The following ABCC11 variants were observed in gnomAD, a reference collection of about 807,000 sequenced individuals.
The protein encoded by ABCC11 is ATP-binding cassette sub-family C member 11.
In ABCC11, 135 loss-of-function variants were observed where a neutral mutation model predicts 149.3. That is an observed-to-expected ratio of 0.90 (90% CI 0.79 to 1.04). ABCC11 has a LOEUF of 1.04. ABCC11 is among the 50% of genes least tolerant of loss of function. The pLI is 0.00. For synonymous variants in ABCC11, 665 were observed against 671.4 expected (o/e 0.99, Z 0.15); for missense variants, 1,680 against 1,722.1 (o/e 0.98, Z 0.43).
At chr16:48,169,834 G>T (rs1596648239) in intron 28 of ABCC11, among the ~76,000 whole-genome samples, 1 of 151,940 alleles carries the variant, frequency 6.6e-6, no homozygotes, top group African/African-American at 2.4e-5. Flanking sequence ...GTTAACGGGT[G>T]CAGCACACCA....
chr16:48,186,559 A>C (rs1034443170), intron 22 of ABCC11, among the ~76,000 whole-genome samples: 13 of 152,206 alleles, frequency 8.5e-5, no homozygotes, highest in African/African-American at 3.1e-4. Flanking sequence ...ATGAGTAGTG[A>C]AGGAAGTTCT....
rs775424093 is a variant in ABCC11, at chr16:48,186,936, G to A, written c.3071+17C>T. The A allele has an allele frequency of 9.3e-6, 15 of 1,613,644 alleles. No individual in the cohort carries two copies. The highest frequency in any genetic ancestry group is 1.2e-5 in the Non-Finnish European group (14 of 1,179,844). On this transcript the variant is annotated intron_variant, in intron 22 of 29. Transcript: ENST00000356608. ...CCTGTGGTTCCATCATTCTCAAATG[G>A]CAGCAGAAGGACTCACTGGCTGATG...
intron 24 of ABCC11, 58 bp from the exon 25 acceptor site, chr16:48,177,171 C>T (rs537952184): frequency 6.5e-7 from 1 of 1,527,922 alleles, no homozygotes; most frequent in African/African-American, 1.4e-5. Context: ...GGCCCATCCC[C>T]TGCGGGCCTG....
intron 25 of ABCC11, among the ~76,000 whole-genome samples, chr16:48,176,569 C>G (rs966468548): frequency 1.3e-5 from 2 of 152,098 alleles, no homozygotes; most frequent in African/African-American, 4.8e-5. Context: ...TGCTCCTGCC[C>G]GGACCCTATA....
At chr16:48,171,580 T>A (rs1328568760) in intron 26 of ABCC11, among the ~76,000 whole-genome samples, 1 of 152,268 alleles carries the variant, frequency 6.6e-6, no homozygotes, top group Non-Finnish European at 1.5e-5. Context: ...ATAATATTTA[T>A]CATTTTAACC....
rs1314250001 is a variant in ABCC11 at position 48,192,665 on chromosome 16, G to T, written c.2561C>A (p.Ala854Glu). ...GTAGAAGGACAGTTGAGGATTGTCT[G>T]CAATGTTGCCCAGGTCTGCCATGGT... ...NGTMADLGNI[A>E]DNPQLSFYQL... Residue 854 changes from alanine to glutamate, a missense_variant, in exon 20 of 30, where the codon GCA (alanine) becomes GAA (glutamate). Physicochemically the swap from Ala to Glu is moderately radical, Grantham distance 107 (BLOSUM62 -1). Transcript: ENST00000356608. The T allele has an allele frequency of 1.2e-6, 2 of 1,614,082 alleles. No homozygotes were observed. Among genetic ancestry groups the T allele is most frequent in the East Asian group, 4.5e-5 (2 of 44,890 alleles).
intron 7 of ABCC11, among the ~76,000 whole-genome samples, chr16:48,215,876 A>T (rs538257200): frequency 1.3e-5 from 2 of 152,368 alleles, no homozygotes; most frequent in East Asian, 3.9e-4. Context: ...GTCGAAGCAG[A>T]TAATCTCCCA....
intron 11 of ABCC11, chr16:48,209,780 C>CGGGTG (rs1269484274): frequency 6.6e-6 from 1 of 152,108 alleles, no homozygotes; most frequent in East Asian, 1.9e-4. Flanking sequence ...CTCGACTTCA[C>CGGGTG]CACAATACAA....
At chr16:48,170,825 A>G (rs1965669343) in intron 27 of ABCC11, 64 bp downstream of exon 27, 2 of 1,473,924 alleles carry the variant, frequency 1.4e-6, no homozygotes. Flanking sequence ...GAGGAGCCCC[A>G]AAGGGGCAGC....
Position 48,208,545 on chromosome 16 carries a change from A to G in ABCC11, c.1609-49T>C, listed in dbSNP as rs61496705. 7,708 of 1,602,230 alleles carry G rather than the reference A, an allele frequency of 4.8e-3. 325 individuals carry two copies. In the African/African-American group the frequency reaches 0.091, roughly 19 times the overall value. Reference sequence around the variant, plus strand: ...AGTGTTGGGACAGCATAGCCCTGGCATACCCACCTGCCCATGGCGGCTCAA... The same window carrying G: ...AGTGTTGGGACAGCATAGCCCTGGCGTACCCACCTGCCCATGGCGGCTCAA... On this transcript the variant is annotated intron_variant, in intron 11 of 29. Coordinates refer to ENST00000356608, the MANE Select transcript of ABCC11 (RefSeq NM_001370497.1).
intron 3 of ABCC11, among the ~76,000 whole-genome samples, chr16:48,230,047 C>G (rs1970328253): frequency 6.6e-6 from 1 of 152,196 alleles, no homozygotes; most frequent in Admixed American, 6.5e-5. Flanking sequence ...TGTCATGGTT[C>G]TCCGGTCCCT....
At chr16:48,218,431 G>A (rs565793831) in intron 6 of ABCC11, among the ~76,000 whole-genome samples, 2 of 152,268 alleles carry the variant, frequency 1.3e-5, no homozygotes, top group African/African-American at 4.8e-5. Context: ...CTGTGCCTCT[G>A]TCACCTCATC....
chr16:48,170,250 T>A, intron 27 of ABCC11, 32 bp from the exon 28 acceptor site: 1 of 1,569,660 alleles, frequency 6.4e-7, no homozygotes, highest in South Asian at 1.1e-5. Context: ...CAACATAACC[T>A]GGAAGCCACT....
rs377586143 is a variant in ABCC11 at position 48,214,992 on chromosome 16, G to A, written c.1137C>T (p.Cys379=). The A allele has an allele frequency of 3.7e-5, 59 of 1,614,076 alleles. No homozygotes were observed. The highest frequency in any genetic ancestry group is 1.3e-4 in the East Asian group (6 of 44,880). ...RRKERKLLEK[C]GLVQSLTSIT... is the part of the protein sequence containing the mutation. ...TACTTGTCAGGCTCTGGACAAGCCC[G>A]CACTTCTCCAATAGTTTCCTTTCCT... is the stretch of plus-strand genomic sequence containing the variant. Residue 379 remains cysteine (C), a synonymous_variant, in exon 9 of 30, where the codon TGC becomes TGT. Coordinates refer to ENST00000356608, the MANE Select transcript of ABCC11 (RefSeq NM_001370497.1).
intron 25 of ABCC11, among the ~76,000 whole-genome samples, chr16:48,176,492 G>A (rs996765984): frequency 6.6e-6 from 1 of 151,990 alleles, no homozygotes; most frequent in African/African-American, 2.4e-5. Flanking sequence ...GGAGGAAAAG[G>A]GGAGTCTGGA....
At chr16:48,210,434 T>G (rs186865559) in intron 11 of ABCC11, 257 of 154,378 alleles carry the variant, frequency 1.7e-3, no homozygotes, top group Non-Finnish European at 3.1e-3. Context: ...TAGATCAATA[T>G]CTATATCTAT....
chr16:48,181,447 C>G (rs1966427088), intron 23 of ABCC11, among the ~76,000 whole-genome samples: 1 of 152,160 alleles, frequency 6.6e-6, no homozygotes, highest in African/African-American at 2.4e-5. Flanking sequence ...TTTTTACAAA[C>G]ATTAAGTCTC....
At chr16:48,207,405 TC>T (rs1567521565) in intron 12 of ABCC11, among the ~76,000 whole-genome samples, 1 of 151,942 alleles carries the variant, frequency 6.6e-6, no homozygotes, top group African/African-American at 2.4e-5. Context: ...GTGGCTCACA[TC>T]TATAATCCCA....
intron 11 of ABCC11, chr16:48,210,539 T>C (rs1230034142): frequency 5.9e-6 from 1 of 170,284 alleles, no homozygotes; most frequent in African/African-American, 2.4e-5. Context: ...GAAGCTAATT[T>C]TTGTAAACAT....
Sources: gnomAD v4.1 joint callset for allele counts (sites outside exome capture counted in the v4.1 genomes callset) on GRCh38, gnomAD v4.1.1 for gene constraint, MANE v1.5 for transcripts, NCBI Gene and HGNC (gene_info 2026-07-23, HGNC 2026-07-21) for gene names.